The following BSDC1 variants were observed in gnomAD, a reference collection of about 807,000 sequenced individuals.
BSDC1 encodes the protein BSD domain-containing protein 1.
A neutral mutation model predicts 56.0 loss-of-function variants in BSDC1; 29 were observed. That is an observed-to-expected ratio of 0.52 (90% confidence interval 0.39 to 0.71). BSDC1 has a LOEUF of 0.71. Ranked by LOEUF, BSDC1 falls within the 30% of genes least tolerant of loss-of-function variation. BSDC1 has a pLI of 0.00. For missense variants in BSDC1, 477 were observed against 548.5 expected (o/e 0.87, Z 1.30); for synonymous variants, 210 against 215.3 (o/e 0.98, Z 0.21).
intron 9 of BSDC1, among the ~76,000 whole-genome samples, chr1:32,373,692 T>C (rs1642177960): frequency 6.6e-6 from 1 of 152,122 alleles, no homozygotes; most frequent in Non-Finnish European, 1.5e-5. Flanking sequence ...GGCTAATTTT[T>C]TGTATTTTCT....
chr1:32,367,058 C>T (rs1474323921), intron 10 of BSDC1: 2 of 997,072 alleles, frequency 2.0e-6, no homozygotes, highest in Non-Finnish European at 2.4e-6. Context: ...ACACAAAAGA[C>T]CAGTGTAATC....
At chr1:32,380,685 C>T (rs909615684) in intron 5 of BSDC1, among the ~76,000 whole-genome samples, 2 of 152,134 alleles carry the variant, frequency 1.3e-5, no homozygotes, top group African/African-American at 4.8e-5. Flanking sequence ...CAAAACCCAA[C>T]TCCAGCATCA....
Position 32,378,428 on chromosome 1 carries a change from C to T in BSDC1, c.529-145G>A. ...GTGACAGTCAGAGCACTTCCACCCC[C>T]ACCAAAGTTTCAGCCAGACCCACCT... On this transcript the variant is annotated intron_variant, in intron 6 of 10. Coordinates refer to ENST00000455895, the MANE Select transcript of BSDC1 (RefSeq NM_018045.8). The surrounding 1 kb of genome is among the most constrained non-coding windows in gnomAD (Gnocchi z 5.2). 1.2e-6 allele frequency: 1 copy of T among 819,388 alleles called. No homozygotes were observed. Among genetic ancestry groups the T allele is most frequent in the South Asian group, 1.7e-5 (1 of 60,442 alleles). 50.8% of individuals were successfully genotyped at this position (819,388 alleles called of 1,614,324 possible).
At chr1:32,373,285 GGGCAGCAGA>G (rs1642161870) in intron 9 of BSDC1, among the ~76,000 whole-genome samples, 1 of 152,152 alleles carries the variant, frequency 6.6e-6, no homozygotes, top group South Asian at 2.1e-4. Context: ...CAGGCCCTGA[GGGCAGCAGA>G]GGCAGCATAG....
rs373057622 is a variant in BSDC1, at chr1:32,378,233, T to C, written c.579A>G (p.Lys193=). 34 of 1,614,106 alleles carry C rather than the reference T, an allele frequency of 2.1e-5. No individual in the cohort carries two copies. The African/African-American group carries it at 4.3e-4, about 20-fold the overall frequency. ...HSEFWHRYFY[K]VHQLEQEQAR... ...AGCATACCTGCTCTAACTGATGGAC[T>C]TTATAGAAATACCGATGCCAGAATT... Residue 193 remains lysine, a synonymous_variant, in exon 7 of 11, where the codon AAA becomes AAG. Coordinates refer to ENST00000455895, the MANE Select transcript of BSDC1 (RefSeq NM_018045.8). The surrounding 1 kb of genome is among the most constrained non-coding windows in gnomAD (Gnocchi z 5.2).
rs769759117 is a variant in BSDC1, at chr1:32,368,296, T to C, written c.1260+151A>G. ...GCCTGCTGATGACCAATGTTGTGGG[T>C]CTGAGCAGGAAGCTCCAGCTCCTTT... On this transcript the variant is annotated intron_variant, in intron 10 of 10. Coordinates refer to ENST00000455895, the MANE Select transcript of BSDC1 (RefSeq NM_018045.8). The C allele has an allele frequency of 4.4e-6, 7 of 1,585,876 alleles. No homozygotes were observed. In the South Asian group the frequency reaches 8.0e-5, roughly 18 times the overall value.
chr1:32,366,299 G>GGAC lies in BSDC1; in HGVS notation c.*320_*322dup, dbSNP rs548451147. ...GCAGAAGGGCTAGAACTATCCCTTG[G>GGAC]GACTTCCCAGCAGGAGTCCTCAGGA... is the stretch of plus-strand genomic sequence containing the variant. On this transcript the variant is annotated 3_prime_UTR_variant, in exon 11 of 11. Transcript: ENST00000455895. 330 of 536,340 alleles carry GGAC rather than the reference G, an allele frequency of 6.2e-4. No homozygotes were observed. The highest frequency in any genetic ancestry group is 5.7e-3 in the African/African-American group (299 of 52,712). The allele number at this position is 536,340 out of a possible 1,614,324, so 33.2% of individuals were successfully genotyped here.
intron 9 of BSDC1, chr1:32,369,352 T>C: frequency 4.7e-6 from 6 of 1,267,480 alleles, no homozygotes; most frequent in Non-Finnish European, 6.2e-6. Flanking sequence ...GAAAAAAATT[T>C]AAAAATTAGC....
intron 2 of BSDC1, among the ~76,000 whole-genome samples, chr1:32,392,909 C>T (rs1343568406): frequency 6.6e-6 from 1 of 152,046 alleles, no homozygotes; most frequent in East Asian, 1.9e-4. Flanking sequence ...ACTAAAAATA[C>T]AAAAATTAGC....
intron 5 of BSDC1, among the ~76,000 whole-genome samples, chr1:32,380,517 G>A (rs1033491227): frequency 6.6e-6 from 1 of 152,100 alleles, no homozygotes; most frequent in East Asian, 1.9e-4. Flanking sequence ...GTGGTGGCGG[G>A]CGCCTGTAAG....
intron 3 of BSDC1, among the ~76,000 whole-genome samples, chr1:32,384,265 G>A (rs540423876): frequency 5.9e-5 from 9 of 152,270 alleles, no homozygotes; most frequent in African/African-American, 2.2e-4. Flanking sequence ...AGGTCAGTCA[G>A]GCCGGTCAAA....
chr1:32,374,967 A>C (rs574778560), intron 9 of BSDC1, among the ~76,000 whole-genome samples: 1 of 152,242 alleles, frequency 6.6e-6, no homozygotes, highest in Non-Finnish European at 1.5e-5. Flanking sequence ...CCTGGCTAAC[A>C]CAGTGAAACC....
At chr1:32,367,503 T>C in intron 10 of BSDC1, 4 of 985,434 alleles carry the variant, frequency 4.1e-6, no homozygotes, top group Non-Finnish European at 3.6e-6. Flanking sequence ...CTCTCTAATC[T>C]GTCCACCTCT....
intron 3 of BSDC1, among the ~76,000 whole-genome samples, chr1:32,385,293 TG>T (rs1410111468): frequency 6.6e-6 from 1 of 152,092 alleles, no homozygotes; most frequent in Admixed American, 6.6e-5. Flanking sequence ...AAAACAGTAT[TG>T]GGGGAGGGGG....
At chr1:32,375,834 C>T (rs1468346820) in intron 9 of BSDC1, among the ~76,000 whole-genome samples, 2 of 152,176 alleles carry the variant, frequency 1.3e-5, no homozygotes, top group East Asian at 3.8e-4. Context: ...GAAATTGGCA[C>T]AGTGTGCTAG....
chr1:32,375,075 C>T (rs1642229131), intron 9 of BSDC1, among the ~76,000 whole-genome samples: 1 of 152,090 alleles, frequency 6.6e-6, no homozygotes, highest in Non-Finnish European at 1.5e-5. Context: ...TGGCGCGAAC[C>T]TGAGAGGCGG....
At chr1:32,383,737 C>A in intron 4 of BSDC1, 93 bp downstream of exon 4, 1 of 1,148,678 alleles carries the variant, frequency 8.7e-7, no homozygotes, top group Non-Finnish European at 1.3e-6. Context: ...TATTTTTTGG[C>A]CTGAACATGG....
At chr1:32,393,775 GCT>G (rs368950262) in intron 2 of BSDC1, 1 of 417,524 alleles carries the variant, frequency 2.4e-6, no homozygotes. Flanking sequence ...TGTATCAAAT[GCT>G]CTCTCTTTCA....
Position 32,378,907 on chromosome 1 carries a change from A to G in BSDC1, c.413-68T>C, listed in dbSNP as rs1031098081. On this transcript the variant is annotated intron_variant, in intron 5 of 10. Transcript: ENST00000455895. The surrounding 1 kb of genome is among the most constrained non-coding windows in gnomAD (Gnocchi z 5.2). The stretch of plus-strand genomic sequence containing the variant: ...GAAAAGAACACTGGGCTTACAGAAC[A>G]TATCTAAGGCTGGACATGGAAAATG... 9 of 1,085,230 alleles carry G rather than the reference A, an allele frequency of 8.3e-6. No homozygotes were observed. The highest frequency in any genetic ancestry group is 8.2e-5 in the African/African-American group (5 of 61,032). 67.2% of individuals were successfully genotyped at this position (1,085,230 alleles called of 1,614,324 possible).
Sources: allele counts gnomAD v4.1 joint callset (sites outside exome capture counted in the v4.1 genomes callset), GRCh38; gene constraint gnomAD v4.1.1; non-coding constraint Gnocchi (gnomAD v3.1); transcripts MANE v1.5; gene names NCBI Gene and HGNC (gene_info 2026-07-23, HGNC 2026-07-21).